ABTB3: variants seen among roughly 807,000 people sequenced by gnomAD.
ABTB3 encodes the protein ankyrin repeat and BTB domain containing 3, also known as ankyrin repeat- and BTB/POZ domain-containing protein 3.
the ABTB3 span, among the ~76,000 whole-genome samples, chr12:107,360,527 C>A: frequency 6.6e-6 from 1 of 152,206 alleles, no homozygotes; most frequent in South Asian, 2.1e-4. Flanking sequence ...CCCTCCCCAG[C>A]CAGCAATGAC....
chr12:107,575,628 T>C, the ABTB3 span, among the ~76,000 whole-genome samples: 1 of 152,210 alleles, frequency 6.6e-6, no homozygotes, highest in African/African-American at 2.4e-5. Context: ...CTTTTCCAGC[T>C]TCTAGAGACT....
chr12:107,505,081 A>G, the ABTB3 span, among the ~76,000 whole-genome samples: 1 of 152,222 alleles, frequency 6.6e-6, no homozygotes, highest in East Asian at 1.9e-4. Context: ...TATTTCAGGG[A>G]ACATAATGCA....
the ABTB3 span, among the ~76,000 whole-genome samples, chr12:107,388,951 C>A: frequency 1.3e-5 from 2 of 151,954 alleles, no homozygotes; most frequent in Non-Finnish European, 2.9e-5. Flanking sequence ...ATTTTGTGTT[C>A]TCTGTTCCTC....
chr12:107,621,331 G>A, the ABTB3 span, among the ~76,000 whole-genome samples: 1 of 152,212 alleles, frequency 6.6e-6, no homozygotes, highest in South Asian at 2.1e-4. Flanking sequence ...AAAACCTGCT[G>A]GAAGCATTTC....
At chr12:107,378,046 C>T in the ABTB3 span, among the ~76,000 whole-genome samples, 4 of 152,188 alleles carry the variant, frequency 2.6e-5, no homozygotes, top group Admixed American at 6.5e-5. Flanking sequence ...TTATGGACTT[C>T]GGGAGACCAA....
chr12:107,528,296 T>C, the ABTB3 span, among the ~76,000 whole-genome samples: 25 of 152,226 alleles, frequency 1.6e-4, no homozygotes, highest in Admixed American at 3.3e-4. Context: ...AATTGCAATA[T>C]ATTTTTATGA....
At chr12:107,514,906 G>A in the ABTB3 span, among the ~76,000 whole-genome samples, 31,513 of 152,072 alleles carry the variant, frequency 0.21, 3,376 homozygotes, top group Non-Finnish European at 0.22. Flanking sequence ...CAAAGTAGTC[G>A]AAAGCTGGGT....
At chr12:107,416,917 G>T in the ABTB3 span, among the ~76,000 whole-genome samples, 1 of 152,174 alleles carries the variant, frequency 6.6e-6, no homozygotes, top group African/African-American at 2.4e-5. Flanking sequence ...ATAGGCCTGA[G>T]CCACCGTGCC....
At chr12:107,327,410 T>A in the ABTB3 span, among the ~76,000 whole-genome samples, 3 of 152,232 alleles carry the variant, frequency 2.0e-5, no homozygotes, top group African/African-American at 7.2e-5. Context: ...TCTTATTGTT[T>A]GGGGTTTAGA....
At chr12:107,359,729 G>C in the ABTB3 span, among the ~76,000 whole-genome samples, 1 of 152,056 alleles carries the variant, frequency 6.6e-6, no homozygotes, top group Non-Finnish European at 1.5e-5. Flanking sequence ...TCTAAACTTT[G>C]TCTGTAAAAT....
chr12:107,537,669 T>C, the ABTB3 span, among the ~76,000 whole-genome samples: 2 of 152,084 alleles, frequency 1.3e-5, no homozygotes, highest in Admixed American at 1.3e-4. Context: ...TCAACATGGC[T>C]CAGTTACTGG....
chr12:107,338,059 ATT>A, the ABTB3 span, among the ~76,000 whole-genome samples: 1 of 151,864 alleles, frequency 6.6e-6, no homozygotes, highest in African/African-American at 2.4e-5. Flanking sequence ...GACCAGAACC[ATT>A]TTTTTTCCCC....
At chr12:107,495,036 G>A in the ABTB3 span, among the ~76,000 whole-genome samples, 30 of 152,272 alleles carry the variant, frequency 2.0e-4, no homozygotes, top group African/African-American at 7.2e-4. Flanking sequence ...TTGCTTCTCA[G>A]CAACCAGGGG....
the ABTB3 span, among the ~76,000 whole-genome samples, chr12:107,374,376 G>C: frequency 1.0e-3 from 155 of 152,194 alleles, no homozygotes; most frequent in Non-Finnish European, 1.7e-3. Context: ...CCTGCCCTTC[G>C]AGGCTGGGTT....
the ABTB3 span, among the ~76,000 whole-genome samples, chr12:107,404,982 C>T: frequency 1.3e-5 from 2 of 152,210 alleles, no homozygotes; most frequent in Non-Finnish European, 2.9e-5. Flanking sequence ...TCCCCAGAGG[C>T]CTCACATCGG....
the ABTB3 span, among the ~76,000 whole-genome samples, chr12:107,452,601 G>A: frequency 3.3e-5 from 5 of 152,090 alleles, no homozygotes; most frequent in East Asian, 3.9e-4. Context: ...CTGTAATCCC[G>A]GGCCAAGGGG....
At chr12:107,412,613 A>T in the ABTB3 span, among the ~76,000 whole-genome samples, 2 of 152,128 alleles carry the variant, frequency 1.3e-5, no homozygotes, top group African/African-American at 2.4e-5. Context: ...AGATCAATGA[A>T]GACACGCCCT....
the ABTB3 span, among the ~76,000 whole-genome samples, chr12:107,474,381 C>G: frequency 2.6e-5 from 4 of 152,274 alleles, no homozygotes; most frequent in East Asian, 5.8e-4. Context: ...TGGGACGGAG[C>G]AGCATAATTT....
At chr12:107,434,340 G>A in the ABTB3 span, among the ~76,000 whole-genome samples, 1 of 152,180 alleles carries the variant, frequency 6.6e-6, no homozygotes, top group Non-Finnish European at 1.5e-5. Context: ...GCTGGCAGTA[G>A]GAGGTCAGCT....
Sources: allele counts gnomAD v4.1 joint callset (sites outside exome capture counted in the v4.1 genomes callset), GRCh38; gene constraint gnomAD v4.1.1; transcripts MANE v1.5; gene names NCBI Gene and HGNC (gene_info 2026-07-23, HGNC 2026-07-21).